Variants in SERPINB2 observed in about 807,000 individuals in gnomAD.
SERPINB2 encodes serpin family B member 2, also known as plasminogen activator inhibitor 2.
Under a neutral mutation model 39.4 loss-of-function variants are expected in SERPINB2, and 28 were observed. The observed-to-expected ratio is 0.71, with a 90% CI of 0.53 to 0.97. SERPINB2 has a LOEUF of 0.97. SERPINB2 is among the 50% of genes least tolerant of loss of function. SERPINB2 has a pLI of 0.00. For synonymous variants in SERPINB2, 209 were observed against 175.1 expected (o/e 1.19, Z -1.53); for missense variants, 557 against 505.3 (o/e 1.10, Z -0.98).
At chr18:63,897,589 C>T in intron 4 of SERPINB2, 138 bp from the exon 5 acceptor site, 1 of 745,420 alleles carries the variant, frequency 1.3e-6, no homozygotes, top group Non-Finnish European at 2.4e-6. Context: ...CCCTTCAGCA[C>T]CTGCCTTCCA....
At chr18:63,894,235 A>T (rs575472635) in intron 2 of SERPINB2, among the ~76,000 whole-genome samples, 1 of 151,814 alleles carries the variant, frequency 6.6e-6, no homozygotes, top group South Asian at 2.1e-4. Context: ...AAACCAGCCA[A>T]GCTGTCGTAG....
chr18:63,893,179 C>T (rs1319550715), intron 2 of SERPINB2, among the ~76,000 whole-genome samples: 3 of 152,168 alleles, frequency 2.0e-5, no homozygotes, highest in South Asian at 2.1e-4. Context: ...CCACCTGCCT[C>T]GGCCTCCCAA....
Position 63,891,626 on chromosome 18 carries a change from G to A in SERPINB2, c.168+14G>A. 4 of 1,609,214 alleles carry A rather than the reference G, an allele frequency of 2.5e-6. No homozygotes were observed. The South Asian group carries it at 3.3e-5, about 13-fold the overall frequency. On this transcript the variant is annotated intron_variant, in intron 2 of 7. Coordinates refer to ENST00000299502, the MANE Select transcript of SERPINB2 (RefSeq NM_002575.3). Reference sequence around the variant, plus strand: ...CAGATGGCCAAGGTGAGTTTGAGCTGAAGCTCCACATTTGGGCCGAGTAGT... The same window carrying A: ...CAGATGGCCAAGGTGAGTTTGAGCTAAAGCTCCACATTTGGGCCGAGTAGT...
chr18:63,891,054 G>C (rs1275623865), intron 1 of SERPINB2, among the ~76,000 whole-genome samples: 1 of 152,110 alleles, frequency 6.6e-6, no homozygotes, highest in Non-Finnish European at 1.5e-5. Context: ...TCCTACTCCT[G>C]TCCCTATATA....
intron 3 of SERPINB2, among the ~76,000 whole-genome samples, chr18:63,896,052 A>T (rs1476697319): frequency 1.3e-5 from 2 of 152,198 alleles, no homozygotes; most frequent in Non-Finnish European, 2.9e-5. Context: ...CTGAGTATAG[A>T]CTGCTCCTGT....
At chr18:63,888,554 T>C (rs1193497574) in intron 1 of SERPINB2, among the ~76,000 whole-genome samples, 2 of 152,216 alleles carry the variant, frequency 1.3e-5, no homozygotes, top group East Asian at 1.9e-4. Context: ...CACTGTCTAA[T>C]TGTAAACAAA....
chr18:63,894,427 A>G (rs770352431), intron 2 of SERPINB2, among the ~76,000 whole-genome samples: 2 of 152,200 alleles, frequency 1.3e-5, no homozygotes, highest in Non-Finnish European at 2.9e-5. Flanking sequence ...CTTCATTAGC[A>G]GAACCCCAAC....
At position 63,903,104 on chromosome 18, in the gene SERPINB2, G is replaced by C. The variant is rs1459610252; in HGVS notation, c.1047G>C (p.Leu349=). Residue 349 remains leucine, a synonymous_variant, in exon 8 of 8, where the codon CTG becomes CTC. Transcript: ENST00000299502. ...CAGGGATGTCGGAGAGGAATGACCT[G>C]TTTCTTTCTGAAGTGTTCCACCAAG... ...NFSGMSERND[L]FLSEVFHQAM... is the part of the protein sequence containing the mutation. 2 of 1,613,586 alleles carry C rather than the reference G, an allele frequency of 1.2e-6. No homozygotes were observed. The highest frequency in any genetic ancestry group is 2.2e-5 in the East Asian group (1 of 44,870).
intron 7 of SERPINB2, 36 bp from the exon 8 acceptor site, chr18:63,902,865 T>C (rs770420084): frequency 6.6e-7 from 1 of 1,508,748 alleles, no homozygotes. Flanking sequence ...CTTGCTGTAT[T>C]TTCTTTTGTT....
intron 3 of SERPINB2, among the ~76,000 whole-genome samples, 195 bp from the exon 4 acceptor site, chr18:63,896,896 A>T (rs1329852479): frequency 6.6e-6 from 1 of 152,190 alleles, no homozygotes; most frequent in Non-Finnish European, 1.5e-5. Flanking sequence ...AGAAATTAAA[A>T]TTCACCTTAT....
At position 63,895,368 on chromosome 18, in the gene SERPINB2, T is replaced by G; in HGVS notation, c.273T>G (p.Pro91=). Residue 91 remains proline, a synonymous_variant, in exon 3 of 8, where the codon CCT becomes CCG. Coordinates refer to ENST00000299502, the MANE Select transcript of SERPINB2 (RefSeq NM_002575.3). ...AGCAGATCCAGAAGGGTAGTTATCC[T>G]GATGCGATTTTGCAGGTATCTGACT... ...FMQQIQKGSY[P]DAILQAQAAD... is the part of the protein sequence containing the mutation. 1 of 1,614,062 alleles carries G rather than the reference T, an allele frequency of 6.2e-7. No individual in the cohort carries two copies. Among genetic ancestry groups the G allele is most frequent in the South Asian group, 1.1e-5 (1 of 91,054 alleles).
chr18:63,897,820 T>A lies in SERPINB2; in HGVS notation c.511T>A (p.Ser171Thr), dbSNP rs148477234. The A allele has an allele frequency of 1.0e-4, 163 of 1,610,310 alleles. 1 individual carries two copies. The African/African-American group carries it at 2.0e-3, about 19-fold the overall frequency. ...CAEEARKKINSWVKTQTKGKI... is the reference protein window; with the variant it reads ...CAEEARKKINTWVKTQTKGKI... ...AGAAGAAGCTAGAAAAAAGATTAAT[T>A]CCTGGGTCAAGACTCAAACCAAAGG... Residue 171 changes from serine (S) to threonine (T), a missense_variant, in exon 5 of 8, where the codon TCC becomes ACC. Ser to Thr is a moderately conservative substitution (Grantham distance 58, BLOSUM62 1). Transcript: ENST00000299502.
At chr18:63,893,564 C>T (rs1398502105) in intron 2 of SERPINB2, among the ~76,000 whole-genome samples, 1 of 152,086 alleles carries the variant, frequency 6.6e-6, no homozygotes, top group African/African-American at 2.4e-5. Flanking sequence ...CTGGAGAAAG[C>T]AGCACAGACT....
At chr18:63,889,952 C>T (rs1302819829) in intron 1 of SERPINB2, 1 of 151,810 alleles carries the variant, frequency 6.6e-6, no homozygotes, top group Non-Finnish European at 1.5e-5. Flanking sequence ...CAGACCTGGG[C>T]TTGAATCCCT....
At chr18:63,888,754 C>G (rs1284163846) in intron 1 of SERPINB2, among the ~76,000 whole-genome samples, 1 of 152,172 alleles carries the variant, frequency 6.6e-6, no homozygotes, top group Non-Finnish European at 1.5e-5. Context: ...CTGCATATTA[C>G]TCCCATTAAT....
At position 63,901,778 on chromosome 18, in the gene SERPINB2, G is replaced by A; in HGVS notation, c.574G>A (p.Gly192Arg). The change falls in exon 6 of 8, where the codon GGG (glycine) becomes AGG (arginine). Residue 192 changes from glycine to arginine, a missense_variant. Physicochemically the swap from Gly to Arg is moderately radical, Grantham distance 125. Coordinates refer to ENST00000299502, the MANE Select transcript of SERPINB2 (RefSeq NM_002575.3). ...CTTGTTACCTGAAGGTTCTGTAGAT[G>A]GGGATACCAGGATGGTCCTGGTGAA... Reference protein sequence around the residue: ...PNLLPEGSVDGDTRMVLVNAV... With the variant: ...PNLLPEGSVDRDTRMVLVNAV... 1 of 1,581,792 alleles carries A rather than the reference G, an allele frequency of 6.3e-7. No individual in the cohort carries two copies. Among genetic ancestry groups the A allele is most frequent in the Non-Finnish European group, 8.5e-7 (1 of 1,171,400 alleles).
In SERPINB2 at chr18:63,895,335, G is replaced by A. The variant is rs2049952523; in HGVS notation, c.240G>A (p.Gly80=). 6.2e-7 allele frequency: 1 copy of A among 1,613,996 alleles called. No homozygotes were observed. Among genetic ancestry groups the A allele is most frequent in the African/African-American group, 1.3e-5 (1 of 74,912 alleles). The change falls in exon 3 of 8, where the codon GGG becomes GGA. Residue 80 remains glycine (G), a synonymous_variant. Transcript: ENST00000299502. ...CTCCAGAGAACTTTACCAGCTGTGG[G>A]TTCATGCAGCAGATCCAGAAGGGTA... is the stretch of plus-strand genomic sequence containing the variant. The part of the protein sequence containing the change: ...PMTPENFTSC[G]FMQQIQKGSY...
chr18:63,897,596 T>C, intron 4 of SERPINB2, 131 bp from the exon 5 acceptor site: 1 of 766,904 alleles, frequency 1.3e-6, no homozygotes, highest in Non-Finnish European at 2.3e-6. Context: ...GCACCTGCCT[T>C]CCATAGCCAA....
chr18:63,894,023 T>C (rs531160106), intron 2 of SERPINB2, among the ~76,000 whole-genome samples: 1 of 152,118 alleles, frequency 6.6e-6, no homozygotes, highest in East Asian at 1.9e-4. Context: ...ATATAAGCTC[T>C]TTTCCTTACA....
Sources: gnomAD v4.1 joint callset for allele counts (sites outside exome capture counted in the v4.1 genomes callset) on GRCh38, gnomAD v4.1.1 for gene constraint, MANE v1.5 for transcripts, NCBI Gene and HGNC (gene_info 2026-07-23, HGNC 2026-07-21) for gene names.